The following RNF213 variants were observed in gnomAD, a reference collection of about 807,000 sequenced individuals.
RNF213 encodes E3 ubiquitin-protein ligase RNF213.
A neutral mutation model predicts 514.4 loss-of-function variants in RNF213; 341 were observed. The observed-to-expected ratio is 0.66, with a 90% CI of 0.61 to 0.73. RNF213 has a LOEUF of 0.73. Among genes scored for constraint, RNF213 ranks in the 30% least tolerant of loss-of-function variants. The probability of loss-of-function intolerance (pLI) is 0.00; values close to 1 mark genes in which losing one functional copy is unlikely to be tolerated. For missense variants in RNF213, 5,767 were observed against 6,615.6 expected, an observed-to-expected ratio of 0.87 and a Z score of 4.45; for synonymous variants, 2,655 against 2,658.2, an observed-to-expected ratio of 1.00 and a Z score of 0.04.
intron 8 of RNF213, among the ~76,000 whole-genome samples, chr17:80,292,711 A>G (rs940921277): frequency 6.6e-6 from 1 of 151,968 alleles, no homozygotes; most frequent in Non-Finnish European, 1.5e-5. Flanking sequence ...CAAACTTGAC[A>G]GACAGAGATC....
rs114161078 is a variant in RNF213, at chr17:80,297,820, T to C, written c.2013-501T>C. Among the ~76,000 whole-genome samples, 955 of 146,260 alleles carry C rather than the reference T, an allele frequency of 6.5e-3. 11 individuals carry two copies. The highest frequency in any genetic ancestry group is 0.022 in the African/African-American group (874 of 39,768). On this transcript the variant is annotated intron_variant, in intron 10 of 67. Coordinates refer to ENST00000582970, the MANE Select transcript of RNF213 (RefSeq NM_001256071.3). ...AAAAAAAAAAATGTAGCTAGCTGGG[T>C]GTGGTGGTGCACCTGTAATTCCAGC...
At chr17:80,271,412 G>A (rs1276068614) in intron 2 of RNF213, among the ~76,000 whole-genome samples, 1 of 152,222 alleles carries the variant, frequency 6.6e-6, no homozygotes, top group Non-Finnish European at 1.5e-5. Flanking sequence ...GAGGAGGAGA[G>A]GGCAGTGACG....
intron 20 of RNF213, among the ~76,000 whole-genome samples, chr17:80,331,539 C>T (rs142802614): frequency 0.025 from 3,796 of 152,036 alleles, 169 homozygotes; most frequent in African/African-American, 0.086. Context: ...CAGGTGCGCT[C>T]CACCACGCCT....
rs2079830518 is a variant in RNF213 at position 80,377,991 on chromosome 17, A to G, written c.13545+195A>G. Among the ~76,000 whole-genome samples, 1 of 152,178 alleles carries G rather than the reference A, an allele frequency of 6.6e-6. No individual in the cohort carries two copies. The highest frequency in any genetic ancestry group is 2.1e-4 in the South Asian group (1 of 4,822). On this transcript the variant is annotated intron_variant, in intron 54 of 67. Coordinates refer to ENST00000582970, the MANE Select transcript of RNF213 (RefSeq NM_001256071.3). This position sits in a 1 kb window ranked among gnomAD's most constrained non-coding sequence, Gnocchi z 4.1. ...TTCTAGCCCAGGGCTTCTCAGACTC[A>G]GCACTGTGGACGTGGCTCTGCGGCG...
intron 18 of RNF213, among the ~76,000 whole-genome samples, chr17:80,325,671 A>AT (rs1282852472): frequency 5.4e-5 from 4 of 74,328 alleles, no homozygotes; most frequent in Admixed American, 9.8e-5. Flanking sequence ...GTGCTGTCTG[A>AT]TTTCCCCCCA....
chr17:80,348,868 AGAACTACT>A (rs2078404221), intron 29 of RNF213, among the ~76,000 whole-genome samples: 1 of 152,204 alleles, frequency 6.6e-6, no homozygotes, highest in South Asian at 2.1e-4. Flanking sequence ...GCAGTCAGAG[AGAACTACT>A]GGAGGCCCTC....
chr17:80,333,811 A>G (rs939562514), intron 21 of RNF213: 1 of 374,742 alleles, frequency 2.7e-6, no homozygotes, highest in East Asian at 5.3e-5. Context: ...AAAAAGCAAC[A>G]GTAGTTACTT....
At chr17:80,373,837 T>C (rs1272672720) in intron 49 of RNF213, among the ~76,000 whole-genome samples, 2 of 151,720 alleles carry the variant, frequency 1.3e-5, no homozygotes, top group Non-Finnish European at 2.9e-5. Context: ...TTGTCTCTAC[T>C]TCAAAGAAAA....
intron 60 of RNF213, 122 bp from the exon 61 acceptor site, chr17:80,385,416 G>A: frequency 1.0e-6 from 1 of 958,056 alleles, no homozygotes; most frequent in South Asian, 1.4e-5. Context: ...CAGCACCTCA[G>A]ACATGCTTGT....
chr17:80,381,615 G>A lies in RNF213; in HGVS notation c.13866G>A (p.Lys4622=). ...PKGFLQQHIL[K]DLEQLAKMLG... is the part of the protein sequence containing the mutation. ...GCTTTCTGCAGCAGCACATCCTGAAGGACCTGGAGCAGTTGGCCAAGATGC... is the reference window on the plus strand; with the variant it reads ...GCTTTCTGCAGCAGCACATCCTGAAAGACCTGGAGCAGTTGGCCAAGATGC... Residue 4622 remains lysine (K), a synonymous_variant, in exon 57 of 68, where the codon AAG becomes AAA. Transcript: ENST00000582970. 3 of 1,614,240 alleles carry A rather than the reference G, an allele frequency of 1.9e-6. No individual in the cohort carries two copies. Among genetic ancestry groups the A allele is most frequent in the Non-Finnish European group, 2.5e-6 (3 of 1,180,032 alleles).
intron 51 of RNF213, 30 bp downstream of exon 51, chr17:80,375,900 A>G (rs527832453): frequency 7.1e-7 from 1 of 1,418,228 alleles, no homozygotes; most frequent in Admixed American, 1.7e-5. Flanking sequence ...GCTGTGTTCA[A>G]AGTCTCAGTA....
In RNF213 at chr17:80,328,396, G is replaced by C; in HGVS notation, c.3436G>C (p.Glu1146Gln). 3.3e-6 allele frequency: 5 copies of C among 1,537,134 alleles called. No homozygotes were observed. Among genetic ancestry groups the C allele is most frequent in the Non-Finnish European group, 4.4e-6 (5 of 1,146,828 alleles). ...VEEALDWRRE[E>Q]LLLLKKEKRC... The stretch of plus-strand genomic sequence containing the variant: ...GGAAGCACTGGATTGGAGAAGGGAG[G>C]AACTGTTACTTCTAAAGAAAGAGAA... Residue 1146 changes from glutamate to glutamine, a missense_variant, in exon 20 of 68, where the codon GAA becomes CAA. This residue lies in a region of RNF213 where 516 missense variants were observed against 566.5 expected (regional missense o/e 0.91). Coordinates refer to ENST00000582970, the MANE Select transcript of RNF213 (RefSeq NM_001256071.3).
At chr17:80,389,734 T>C (rs1809143863) in intron 65 of RNF213, 94 bp from the exon 66 acceptor site, 9 of 1,002,910 alleles carry the variant, frequency 9.0e-6, no homozygotes, top group Middle Eastern at 3.0e-4. Flanking sequence ...AAGAGAAGAA[T>C]GCCTGTGTGG....
At position 80,330,870 on chromosome 17, in the gene RNF213, T is replaced by C. The variant is rs570157897; in HGVS notation, c.3518-1136T>C. ...TCTTGCCCTGTTGTCCAGGCTGGAG[T>C]GCAGTGGCTCAGTCTCGGCTCACTG... On this transcript the variant is annotated intron_variant, in intron 20 of 67. Transcript: ENST00000582970. Among the ~76,000 whole-genome samples the C allele has an allele frequency of 5.9e-5, 9 of 152,266 alleles. No homozygotes were observed. In the South Asian group the frequency reaches 1.9e-3, roughly 32 times the overall value.
At chr17:80,376,584 C>T (rs116464658) in intron 52 of RNF213, 41 bp downstream of exon 52, 1 of 1,612,542 alleles carries the variant, frequency 6.2e-7, no homozygotes, top group Non-Finnish European at 8.5e-7. Flanking sequence ...CACTGGAACA[C>T]CCCCCAGAGC....
chr17:80,355,225 C>T (rs1461424820), intron 36 of RNF213: 1 of 455,914 alleles, frequency 2.2e-6, no homozygotes, highest in Non-Finnish European at 4.4e-6. Context: ...TCCATGAGTC[C>T]CCTTCCAGGT....
Position 80,294,988 on chromosome 17 carries a change from G to A in RNF213, c.1740G>A (p.Gln580=). 2 of 1,614,194 alleles carry A rather than the reference G, an allele frequency of 1.2e-6. No individual in the cohort carries two copies. The highest frequency in any genetic ancestry group is 8.5e-7 in the Non-Finnish European group (1 of 1,180,038). Residue 580 remains glutamine (Q), a synonymous_variant, in exon 9 of 68, where the codon CAG becomes CAA. Transcript: ENST00000582970. Reference sequence around the variant, plus strand: ...AGGCACAGCTGTGGACCGATTTGCAGTACAGGGAGAAAGAGGTATCAGGCT... The same window carrying A: ...AGGCACAGCTGTGGACCGATTTGCAATACAGGGAGAAAGAGGTATCAGGCT... ...EGQAQLWTDL[Q]YREKEVKRYL...
rs2078034068 is a variant in RNF213 at position 80,337,849 on chromosome 17, T to C, written c.4685T>C (p.Val1562Ala). ...TCTTCACAGATTTCCCCAGACACGG[T>C]TCTGCACTTGATCCTTCCTGAGAGC... ...KGGQKISPDTVLHLILPESPG... is the reference protein window; with the variant it reads ...KGGQKISPDTALHLILPESPG... Residue 1562 changes from valine (V) to alanine (A), a missense_variant, in exon 25 of 68, where the codon GTT (valine) becomes GCT (alanine). This residue lies in a region of RNF213 where 1,377 missense variants were observed against 1,635.2 expected (regional missense o/e 0.84). Transcript: ENST00000582970. 6.5e-7 allele frequency: 1 copy of C among 1,537,266 alleles called. No homozygotes were observed. The highest frequency in any genetic ancestry group is 8.7e-7 in the Non-Finnish European group (1 of 1,146,898).
intron 11 of RNF213, among the ~76,000 whole-genome samples, chr17:80,301,470 A>G (rs1177637001): frequency 6.6e-6 from 1 of 152,190 alleles, no homozygotes. Context: ...AAAAACTCAG[A>G]TCTAAAAATG....
Sources: gnomAD v4.1 joint callset for allele counts (sites outside exome capture counted in the v4.1 genomes callset) on GRCh38, gnomAD v4.1.1 for gene constraint, gnomAD v4.1.1 regional missense constraint, Gnocchi (gnomAD v3.1) non-coding constraint, MANE v1.5 for transcripts, NCBI Gene and HGNC (gene_info 2026-07-23, HGNC 2026-07-21) for gene names.